Variants in CCDC148 observed in about 807,000 individuals in gnomAD.
CCDC148 encodes the protein coiled-coil domain-containing protein 148.
CCDC148 carries 89 observed loss-of-function variants against 85.7 expected under a neutral mutation model. The observed-to-expected ratio is 1.04, with a 90% CI of 0.87 to 1.24. The LOEUF (loss-of-function observed/expected upper bound fraction) is 1.24. CCDC148 is among the 50% of genes most tolerant of loss of function. CCDC148 has a pLI of 0.00. For missense variants in CCDC148, 692 were observed against 671.7 expected (o/e 1.03, Z -0.33); for synonymous variants, 230 against 213.9 (o/e 1.08, Z -0.66).
chr2:158,378,634 G>C (rs918526588), intron 1 of CCDC148, among the ~76,000 whole-genome samples: 1 of 152,134 alleles, frequency 6.6e-6, no homozygotes, highest in Non-Finnish European at 1.5e-5. Flanking sequence ...TGACTTTCTT[G>C]TTAGGGTCTA....
At chr2:158,218,151 T>G (rs1424419632) in intron 11 of CCDC148, among the ~76,000 whole-genome samples, 2 of 152,196 alleles carry the variant, frequency 1.3e-5, no homozygotes, top group Non-Finnish European at 2.9e-5. Context: ...CACTGGCAAA[T>G]AAGCACTGGA....
intron 9 of CCDC148, among the ~76,000 whole-genome samples, chr2:158,281,638 G>C: frequency 6.6e-6 from 1 of 152,124 alleles, no homozygotes; most frequent in East Asian, 1.9e-4. Flanking sequence ...ATAATCAACA[G>C]CTTACCAACC....
At chr2:158,314,224 T>C (rs1692177224) in intron 7 of CCDC148, among the ~76,000 whole-genome samples, 1 of 152,076 alleles carries the variant, frequency 6.6e-6, no homozygotes, top group African/African-American at 2.4e-5. Context: ...CATTGGAAAA[T>C]AATTATATAT....
chr2:158,317,882 G>T (rs1692351317), intron 7 of CCDC148, among the ~76,000 whole-genome samples: 1 of 152,164 alleles, frequency 6.6e-6, no homozygotes, highest in African/African-American at 2.4e-5. Flanking sequence ...ATGCAATAGT[G>T]AACCTGACCT....
At chr2:158,329,461 T>C (rs1450564076) in intron 7 of CCDC148, among the ~76,000 whole-genome samples, 1 of 152,150 alleles carries the variant, frequency 6.6e-6, no homozygotes, top group Admixed American at 6.5e-5. Flanking sequence ...CCAGCTTTGT[T>C]CTTTTGGCTT....
intron 1 of CCDC148, among the ~76,000 whole-genome samples, chr2:158,394,228 T>A (rs1685434662): frequency 6.6e-6 from 1 of 152,070 alleles, no homozygotes; most frequent in Admixed American, 6.6e-5. Context: ...CCTAGAAAAT[T>A]CAGAAATTGC....
chr2:158,190,228 TAGG>T (rs1004505840), intron 11 of CCDC148, among the ~76,000 whole-genome samples: 5 of 152,052 alleles, frequency 3.3e-5, no homozygotes, highest in African/African-American at 1.2e-4. Flanking sequence ...ACAGACTTGC[TAGG>T]ATCATGATTT....
chr2:158,259,279 C>T (rs747822055), intron 9 of CCDC148, among the ~76,000 whole-genome samples: 7 of 151,758 alleles, frequency 4.6e-5, no homozygotes, highest in Middle Eastern at 3.2e-3. Context: ...TCTTGTAATT[C>T]GAAATTAGAC....
At chr2:158,379,550 C>G (rs1050587952) in intron 1 of CCDC148, among the ~76,000 whole-genome samples, 2 of 152,138 alleles carry the variant, frequency 1.3e-5, no homozygotes, top group African/African-American at 4.8e-5. Context: ...ACATGCTTCA[C>G]AGAAATCTTT....
At chr2:158,254,382 G>T (rs1370324144) in intron 9 of CCDC148, among the ~76,000 whole-genome samples, 1 of 151,578 alleles carries the variant, frequency 6.6e-6, no homozygotes, top group South Asian at 2.1e-4. Context: ...AGATTATATG[G>T]TGCTTGTGAT....
In CCDC148 at chr2:158,212,512, G is replaced by A. The variant is rs1161658112; in HGVS notation, c.1370+8083C>T. On this transcript the variant is annotated intron_variant, in intron 11 of 13. Transcript: ENST00000283233. ...CTGTCAATTCTCTGATGTTGGCAAG[G>A]ACCTCAAAACACACACTAGATTCGC... Among the ~76,000 whole-genome samples, 3 of 152,088 alleles carry A rather than the reference G, an allele frequency of 2.0e-5. No individual in the cohort carries two copies. In the East Asian group the frequency reaches 5.8e-4, roughly 29 times the overall value.
chr2:158,420,263 C>G (rs1686707799), intron 1 of CCDC148: 1 of 152,100 alleles, frequency 6.6e-6, no homozygotes, highest in African/African-American at 2.4e-5. Flanking sequence ...CAAAGATACT[C>G]CTCGAGAAAA....
intron 9 of CCDC148, among the ~76,000 whole-genome samples, chr2:158,276,233 C>T (rs1689935870): frequency 6.6e-6 from 1 of 152,052 alleles, no homozygotes; most frequent in African/African-American, 2.4e-5. Flanking sequence ...GAGTTCAAGA[C>T]CAGCCTGGCC....
At chr2:158,409,743 G>T (rs1326922044) in intron 1 of CCDC148, among the ~76,000 whole-genome samples, 1 of 152,134 alleles carries the variant, frequency 6.6e-6, no homozygotes, top group East Asian at 1.9e-4. Context: ...ATGAGATTTG[G>T]CAGGGGACAG....
intron 11 of CCDC148, among the ~76,000 whole-genome samples, chr2:158,219,342 A>C (rs555660206): frequency 1.3e-5 from 2 of 152,346 alleles, no homozygotes; most frequent in African/African-American, 2.4e-5. Context: ...CCAGTTATCA[A>C]TGTAATGTCT....
chr2:158,313,930 G>T (rs1480871257), intron 7 of CCDC148, 36 bp from the exon 8 acceptor site: 2 of 1,586,542 alleles, frequency 1.3e-6, no homozygotes, highest in Non-Finnish European at 8.6e-7. Context: ...ATATTATTGA[G>T]CAATCATGAA....
chr2:158,376,179 A>G (rs1684642480), intron 1 of CCDC148, among the ~76,000 whole-genome samples: 2 of 152,140 alleles, frequency 1.3e-5, no homozygotes, highest in African/African-American at 4.8e-5. Context: ...AGTAGCATGA[A>G]AAAATTACAT....
At chr2:158,238,579 T>A (rs1274903334) in intron 10 of CCDC148, among the ~76,000 whole-genome samples, 1 of 152,192 alleles carries the variant, frequency 6.6e-6, no homozygotes, top group Non-Finnish European at 1.5e-5. Context: ...CATATTATAA[T>A]GGTCTGGTGT....
chr2:158,175,200 G>A (rs1418636088), intron 13 of CCDC148, among the ~76,000 whole-genome samples: 2 of 152,074 alleles, frequency 1.3e-5, no homozygotes, highest in Admixed American at 6.6e-5. Flanking sequence ...TAGCCCAGCG[G>A]CCTGAGACTT....
Sources: gnomAD v4.1 joint callset for allele counts (sites outside exome capture counted in the v4.1 genomes callset) on GRCh38, gnomAD v4.1.1 for gene constraint, MANE v1.5 for transcripts, NCBI Gene and HGNC (gene_info 2026-07-23, HGNC 2026-07-21) for gene names.